Variants in NUBP1 observed in about 807,000 individuals in gnomAD.
NUBP1 encodes the protein cytosolic Fe-S cluster assembly factor NUBP1.
NUBP1 carries 46 observed loss-of-function variants against 41.8 expected under a neutral mutation model. That is an observed-to-expected ratio of 1.10 (90% CI 0.87 to 1.41). NUBP1 has a LOEUF of 1.41. NUBP1 is among the 40% of genes most tolerant of loss of function. The pLI, the probability that NUBP1 is intolerant of heterozygous loss-of-function variation, is 0.00. For missense variants in NUBP1, 494 were observed against 414.0 expected (o/e 1.19, Z -1.68); for synonymous variants, 189 against 154.6 (o/e 1.22, Z -1.65).
At position 10,757,396 on chromosome 16, in the gene NUBP1, C is replaced by G. The variant is rs1194278007; in HGVS notation, c.452-477C>G. Reference sequence around the variant, plus strand: ...ACAGGAGGTTGATCTGGTACTGAGACTTAAGGTAATAATGTGAAAGTGTTA... The same window carrying G: ...ACAGGAGGTTGATCTGGTACTGAGAGTTAAGGTAATAATGTGAAAGTGTTA... On this transcript the variant is annotated intron_variant, in intron 6 of 10. Coordinates refer to ENST00000283027, the MANE Select transcript of NUBP1 (RefSeq NM_002484.4). This position sits in a 1 kb window ranked among gnomAD's most constrained non-coding sequence, Gnocchi z 4.1. Among the ~76,000 whole-genome samples, 1 of 152,126 alleles carries G rather than the reference C, an allele frequency of 6.6e-6. No homozygotes were observed.
Position 10,769,246 on chromosome 16 carries a change from C to CAGAG in NUBP1, c.*143_*146dup, listed in dbSNP as rs994332044. ...CTGGTGTGGTCCGAAGCCACTTTCT[C>CAGAG]AGAGACACTTTAATCATTGAGTATT... On this transcript the variant is annotated 3_prime_UTR_variant, in exon 11 of 11. Transcript: ENST00000283027. 2.3e-5 allele frequency: 15 copies of CAGAG among 652,486 alleles called. No homozygotes were observed. The highest frequency in any genetic ancestry group is 2.0e-4 in the African/African-American group (11 of 54,448). The allele number at this position is 652,486 out of a possible 1,614,324, so 40.4% of individuals were successfully genotyped here.
rs920797267 is a variant in NUBP1, at chr16:10,764,297, G to C, written c.820+2438G>C. 2.0e-5 allele frequency among the ~76,000 whole-genome samples: 3 copies of C among 152,240 alleles called. No homozygotes were observed. In the South Asian group the frequency reaches 6.2e-4, roughly 31 times the overall value. ...CTTTTTGGCATCTCAGTCTGCTGGA[G>C]TATTTGTCTATTGGAGCATCTCAGT... On this transcript the variant is annotated intron_variant, in intron 9 of 10. Coordinates refer to ENST00000283027, the MANE Select transcript of NUBP1 (RefSeq NM_002484.4).
At chr16:10,754,437 T>A (rs1177184961) in intron 4 of NUBP1, among the ~76,000 whole-genome samples, 2 of 151,822 alleles carry the variant, frequency 1.3e-5, no homozygotes, top group African/African-American at 2.4e-5. Context: ...GAGTTGGGGT[T>A]TCACCATGTT....
At chr16:10,763,790 C>G in intron 9 of NUBP1, 1 of 156,374 alleles carries the variant, frequency 6.4e-6, no homozygotes, top group South Asian at 1.7e-4. Context: ...CAAGGGAGAG[C>G]GTTAGCCCAC....
chr16:10,762,034 C>T lies in NUBP1; in HGVS notation c.820+175C>T, dbSNP rs114126197. On this transcript the variant is annotated intron_variant, in intron 9 of 10. Coordinates refer to ENST00000283027, the MANE Select transcript of NUBP1 (RefSeq NM_002484.4). ...CCCAAGAGGCCACCGGGAGAGAGGC[C>T]GAGACCCCTGCGGGCAGGTAGCGGG... The T allele has an allele frequency of 2.9e-3, 1,628 of 559,788 alleles. 21 individuals are homozygous for T. Among genetic ancestry groups the T allele is most frequent in the African/African-American group, 0.028 (1,492 of 53,166 alleles). The allele number at this position is 559,788 out of a possible 1,614,324, so 34.7% of individuals were successfully genotyped here. A position where few individuals can be genotyped will look rare whatever the true frequency, so the allele number is the denominator to read the frequency against.
rs1481965267 is a variant in NUBP1 at position 10,769,078 on chromosome 16, A to C, written c.936A>C (p.Ser312=). 1 of 1,614,094 alleles carries C rather than the reference A, an allele frequency of 6.2e-7. No homozygotes were observed. The highest frequency in any genetic ancestry group is 1.1e-5 in the South Asian group (1 of 91,076). Residue 312 remains serine, a synonymous_variant, in exon 11 of 11, where the codon TCA becomes TCC. Coordinates refer to ENST00000283027, the MANE Select transcript of NUBP1 (RefSeq NM_002484.4). ...RIQEFCNLHQ[S]KEENLISS ...AAGAGTTTTGTAATCTCCATCAGTC[A>C]AAAGAAGAGAACCTCATCAGTTCCT...
chr16:10,767,253 C>T lies in NUBP1; in HGVS notation c.821-696C>T, dbSNP rs1641788. ...GAACACCCCCATTGACCCCTAGCCC[C>T]TTGTGTCCTGTCCACCTGGCTCTGG... On this transcript the variant is annotated intron_variant, in intron 9 of 10. Transcript: ENST00000283027. The surrounding 1 kb of genome is among the most constrained non-coding windows in gnomAD (Gnocchi z 4.6). 0.21 allele frequency: 82,064 copies of T among 399,228 alleles called. 9,842 individuals are homozygous for T. Among genetic ancestry groups the T allele is most frequent in the Admixed American group, 0.37 (8,294 of 22,714 alleles). The allele number at this position is 399,228 out of a possible 1,614,324, so 24.7% of individuals were successfully genotyped here.
rs1445289977 is a variant in NUBP1 at position 10,743,844 on chromosome 16, A to C, written c.-20A>C. 6.4e-7 allele frequency: 1 copy of C among 1,558,116 alleles called. No homozygotes were observed. Among genetic ancestry groups the C allele is most frequent in the Non-Finnish European group, 8.7e-7 (1 of 1,151,180 alleles). On this transcript the variant is annotated 5_prime_UTR_variant, in exon 1 of 11. Coordinates refer to ENST00000283027, the MANE Select transcript of NUBP1 (RefSeq NM_002484.4). ...ACGACAGCGGGTTCCGGTGACCACG[A>C]AGGCGGCAAAGGCGACGGAATGGAG...
At chr16:10,750,158 A>G (rs934085666) in intron 3 of NUBP1, among the ~76,000 whole-genome samples, 2 of 152,232 alleles carry the variant, frequency 1.3e-5, no homozygotes, top group East Asian at 3.9e-4. Flanking sequence ...TGATTATGCC[A>G]CTGCACTCCA....
At chr16:10,756,964 G>T (rs758787856) in intron 6 of NUBP1, among the ~76,000 whole-genome samples, 184 bp downstream of exon 6, 12 of 152,114 alleles carry the variant, frequency 7.9e-5, no homozygotes, top group Non-Finnish European at 1.5e-4. Context: ...TTTCCATTAC[G>T]TAATTATAAA....
At position 10,743,902 on chromosome 16, in the gene NUBP1, G is replaced by C; in HGVS notation, c.19+20G>C. 6.4e-7 allele frequency: 1 copy of C among 1,572,828 alleles called. No individual in the cohort carries two copies. The highest frequency in any genetic ancestry group is 8.6e-7 in the Non-Finnish European group (1 of 1,161,130). ...CTCACGGTAAGCTCGCGGAGGGGGCGTGGGTCGCGGGGCGAAAGTGTCGGG... is the reference window on the plus strand; with the variant it reads ...CTCACGGTAAGCTCGCGGAGGGGGCCTGGGTCGCGGGGCGAAAGTGTCGGG... On this transcript the variant is annotated intron_variant, in intron 1 of 10. Coordinates refer to ENST00000283027, the MANE Select transcript of NUBP1 (RefSeq NM_002484.4).
At chr16:10,760,575 A>G (rs1900877898) in intron 7 of NUBP1, among the ~76,000 whole-genome samples, 1 of 152,136 alleles carries the variant, frequency 6.6e-6, no homozygotes, top group Non-Finnish European at 1.5e-5. Flanking sequence ...CATCTCTATA[A>G]AAAATTAAAA....
In NUBP1 at chr16:10,758,025, C is replaced by CA; in HGVS notation, c.605dup (p.Glu203GlyfsTer35). On this transcript the variant is annotated frameshift_variant and splice_region_variant, in exon 7 of 11. Transcript: ENST00000283027. LOFTEE classifies it high-confidence loss of function. ...TGGAGCAGTGATCATCACCACTCCC[C>CA]AGGTGAGCGAGCTGCCAGCTGGAGC... 1.2e-6 allele frequency: 2 copies of CA among 1,612,342 alleles called. No homozygotes were observed. Among genetic ancestry groups the CA allele is most frequent in the Non-Finnish European group, 1.7e-6 (2 of 1,178,664 alleles).
chr16:10,758,133 G>T (rs1176677132), intron 7 of NUBP1, 106 bp downstream of exon 7: 1 of 1,326,642 alleles, frequency 7.5e-7, no homozygotes, highest in African/African-American at 1.5e-5. Context: ...TCTTCCCAGT[G>T]TGTGTTCCGC....
At chr16:10,761,593 CAATT>C in intron 8 of NUBP1, 119 bp downstream of exon 8, 1 of 1,023,382 alleles carries the variant, frequency 9.8e-7, no homozygotes, top group East Asian at 2.5e-5. Flanking sequence ...AGTGGAATCA[CAATT>C]AAAATCCCTT....
At chr16:10,758,135 G>A in intron 7 of NUBP1, 108 bp downstream of exon 7, 1 of 1,290,560 alleles carries the variant, frequency 7.7e-7, no homozygotes, top group South Asian at 1.3e-5. Flanking sequence ...TTCCCAGTGT[G>A]TGTTCCGCAG....
chr16:10,766,799 C>T lies in NUBP1; in HGVS notation c.821-1150C>T, dbSNP rs2030949280. 5 of 397,492 alleles carry T rather than the reference C, an allele frequency of 1.3e-5. No individual in the cohort carries two copies. In the East Asian group the frequency reaches 1.8e-4, roughly 14 times the overall value. 24.6% of individuals were successfully genotyped at this position (397,492 alleles called of 1,614,324 possible). A position where few individuals can be genotyped will look rare whatever the true frequency, so the allele number is the denominator to read the frequency against. ...AGTTTTTGTGTTTAAATACCCTCTACTTGAGGTACGCCCTATATAAACGAA... is the reference window on the plus strand; with the variant it reads ...AGTTTTTGTGTTTAAATACCCTCTATTTGAGGTACGCCCTATATAAACGAA... On this transcript the variant is annotated intron_variant, in intron 9 of 10. Coordinates refer to ENST00000283027, the MANE Select transcript of NUBP1 (RefSeq NM_002484.4). This position sits in a 1 kb window ranked among gnomAD's most constrained non-coding sequence, Gnocchi z 4.8.
At chr16:10,754,695 G>A (rs1269282170) in intron 4 of NUBP1, among the ~76,000 whole-genome samples, 1 of 152,162 alleles carries the variant, frequency 6.6e-6, no homozygotes, top group Non-Finnish European at 1.5e-5. Context: ...CAGACTGTGG[G>A]GGGTGGTGAC....
intron 2 of NUBP1, among the ~76,000 whole-genome samples, chr16:10,746,085 T>A (rs1376241970): frequency 6.6e-6 from 1 of 152,214 alleles, no homozygotes; most frequent in Non-Finnish European, 1.5e-5. Context: ...TTTGCAGGTG[T>A]CTGGTTAATG....
Sources: allele counts gnomAD v4.1 joint callset (sites outside exome capture counted in the v4.1 genomes callset), GRCh38; gene constraint gnomAD v4.1.1; non-coding constraint Gnocchi (gnomAD v3.1); transcripts MANE v1.5; gene names NCBI Gene and HGNC (gene_info 2026-07-23, HGNC 2026-07-21).